NFIA: variants seen among roughly 807,000 people sequenced by gnomAD.
The protein encoded by NFIA is nuclear factor I A.
NFIA carries 8 observed loss-of-function variants against 62.8 expected under a neutral mutation model. That is an observed-to-expected ratio of 0.13 (90% confidence interval 0.07 to 0.23). NFIA has a LOEUF of 0.23. Among genes scored for constraint, NFIA ranks in the 10% least tolerant of loss-of-function variants. The probability of loss-of-function intolerance (pLI) is 1.00; values close to 1 mark genes in which losing one functional copy is unlikely to be tolerated. For synonymous variants in NFIA, 235 were observed against 238.1 expected (o/e 0.99, Z 0.12); for missense variants, 410 against 642.1 (o/e 0.64, Z 3.91).
intron 2 of NFIA, among the ~76,000 whole-genome samples, chr1:61,172,389 G>A (rs1026165484): frequency 1.3e-5 from 2 of 152,308 alleles, no homozygotes; most frequent in Admixed American, 6.5e-5. Context: ...AAAGCAGGCT[G>A]TATTTAGAAG....
intron 2 of NFIA, among the ~76,000 whole-genome samples, chr1:61,189,318 C>A (rs549171948): frequency 6.6e-6 from 1 of 152,124 alleles, no homozygotes; most frequent in Non-Finnish European, 1.5e-5. Flanking sequence ...GCTTGGATTG[C>A]ATATGGCTTC....
rs186199376 is a variant in NFIA at position 61,280,480 on chromosome 1, C to T, written c.625+2895C>T. ...ATATATATGTATGTTTGTATGTATG[C>T]GAAAAAATAATATTCTTTTTATCCT... On this transcript the variant is annotated intron_variant, in intron 3 of 10. Transcript: ENST00000403491. Among the ~76,000 whole-genome samples, 124 of 151,868 alleles carry T rather than the reference C, an allele frequency of 8.2e-4. 1 individual carries two copies. The highest frequency in any genetic ancestry group is 7.3e-3 in the Admixed American group (112 of 15,250).
intron 2 of NFIA, among the ~76,000 whole-genome samples, chr1:61,230,180 C>T (rs1392347729): frequency 6.6e-6 from 1 of 151,802 alleles, no homozygotes; most frequent in Non-Finnish European, 1.5e-5. Flanking sequence ...ATCCCAAAGC[C>T]AAAAATTGTG....
At chr1:61,267,247 G>A (rs571648814) in intron 2 of NFIA, among the ~76,000 whole-genome samples, 121 of 152,288 alleles carry the variant, frequency 7.9e-4, no homozygotes, top group African/African-American at 2.7e-3. Flanking sequence ...CGTGGCTCAT[G>A]CCTGTAATCC....
At chr1:61,281,961 T>C (rs1176317110) in intron 3 of NFIA, among the ~76,000 whole-genome samples, 1 of 152,140 alleles carries the variant, frequency 6.6e-6, no homozygotes, top group Non-Finnish European at 1.5e-5. Context: ...TGTTCACTCT[T>C]GATTTACCTA....
chr1:61,348,637 A>C (rs1437552807), intron 4 of NFIA, among the ~76,000 whole-genome samples: 1 of 152,096 alleles, frequency 6.6e-6, no homozygotes, highest in African/African-American at 2.4e-5. Context: ...TTCTTCCCCT[A>C]TTCTGGCTCT....
chr1:61,120,342 T>C (rs757798715), intron 2 of NFIA, among the ~76,000 whole-genome samples: 10 of 152,234 alleles, frequency 6.6e-5, no homozygotes, highest in Non-Finnish European at 1.0e-4. Flanking sequence ...ATGGCACTCC[T>C]CCAGAATGTA....
intron 2 of NFIA, among the ~76,000 whole-genome samples, chr1:61,194,821 G>A (rs976910996): frequency 5.9e-5 from 9 of 152,082 alleles, no homozygotes; most frequent in African/African-American, 2.2e-4. Flanking sequence ...CCATTGACAG[G>A]TTGCTTACAG....
At chr1:61,392,833 G>A (rs1320797537) in intron 7 of NFIA, among the ~76,000 whole-genome samples, 1 of 152,222 alleles carries the variant, frequency 6.6e-6, no homozygotes, top group Non-Finnish European at 1.5e-5. Flanking sequence ...GATGAACCCA[G>A]GGGACCTGGA....
At chr1:61,421,395 C>T (rs150598650) in intron 9 of NFIA, among the ~76,000 whole-genome samples, 2 of 152,236 alleles carry the variant, frequency 1.3e-5, no homozygotes, top group East Asian at 1.9e-4. Context: ...TGATGCACTG[C>T]GGAAGCTAGA....
intron 2 of NFIA, among the ~76,000 whole-genome samples, chr1:61,194,439 G>A (rs968827065): frequency 2.0e-5 from 3 of 152,072 alleles, no homozygotes; most frequent in East Asian, 1.9e-4. Context: ...TCTTTGCCTT[G>A]TATTTTGTTC....
intron 5 of NFIA, among the ~76,000 whole-genome samples, chr1:61,355,672 C>A (rs934544389): frequency 7.9e-5 from 12 of 152,054 alleles, no homozygotes; most frequent in African/African-American, 2.9e-4. Flanking sequence ...CCTCGAAGTC[C>A]CGAGCTCAAG....
chr1:61,148,996 A>G (rs752603943), intron 2 of NFIA, among the ~76,000 whole-genome samples: 1 of 151,914 alleles, frequency 6.6e-6, no homozygotes, highest in Admixed American at 6.5e-5. Context: ...CCCCAGCCGC[A>G]TGAGTAGCAA....
chr1:61,453,459 T>G (rs1668157881), intron 10 of NFIA, among the ~76,000 whole-genome samples: 1 of 148,182 alleles, frequency 6.7e-6, no homozygotes, highest in Admixed American at 6.7e-5. Flanking sequence ...TTTTTTTTTT[T>G]TTTTTTTTGC....
upstream of NFIA, chr1:61,081,843 A>ATAGTGT: frequency 6.6e-7 from 1 of 1,508,320 alleles, no homozygotes; most frequent in Non-Finnish European, 8.9e-7. Context: ...TTCCCACAGA[A>ATAGTGT]AGCTTCGCTG....
At chr1:61,323,300 T>G (rs1660769169) in intron 3 of NFIA, among the ~76,000 whole-genome samples, 1 of 152,200 alleles carries the variant, frequency 6.6e-6, no homozygotes, top group South Asian at 2.1e-4. Context: ...TGACAAACAT[T>G]TCTGCATTTT....
At chr1:61,122,731 G>C (rs537143670) in intron 2 of NFIA, among the ~76,000 whole-genome samples, 10 of 150,838 alleles carry the variant, frequency 6.6e-5, no homozygotes, top group African/African-American at 2.2e-4. Flanking sequence ...CTGCATTTCT[G>C]TCTGTTCCAG....
intron 3 of NFIA, among the ~76,000 whole-genome samples, chr1:61,296,766 A>C (rs1382784480): frequency 6.6e-6 from 1 of 152,218 alleles, no homozygotes; most frequent in Non-Finnish European, 1.5e-5. Context: ...AAAGAAAAAA[A>C]TAATAAGTTT....
chr1:61,316,389 G>A (rs996911179), intron 3 of NFIA, among the ~76,000 whole-genome samples: 14 of 152,132 alleles, frequency 9.2e-5, no homozygotes, highest in African/African-American at 2.9e-4. Context: ...TACCTGCTGA[G>A]GTCTTAAGGC....
Sources: allele counts gnomAD v4.1 joint callset (sites outside exome capture counted in the v4.1 genomes callset), GRCh38; gene constraint gnomAD v4.1.1; transcripts MANE v1.5; gene names NCBI Gene and HGNC (gene_info 2026-07-23, HGNC 2026-07-21).